The following CCDC93 variants were observed in gnomAD, a reference collection of about 807,000 sequenced individuals.
The protein encoded by CCDC93 is CCC complex scaffolding subunit CCDC93.
Under a neutral mutation model 108.2 loss-of-function variants are expected in CCDC93, and 61 were observed. The ratio of observed to expected loss-of-function variants is 0.56; its 90% CI spans 0.46 to 0.70. The LOEUF is 0.70. Ranked by LOEUF, CCDC93 falls within the 30% of genes least tolerant of loss-of-function variation. The pLI is 0.00. For synonymous variants in CCDC93, 276 were observed against 260.4 expected (o/e 1.06, Z -0.58); for missense variants, 685 against 764.2 (o/e 0.90, Z 1.22).
In CCDC93 at chr2:117,949,304, C is replaced by T. The variant is rs375571903; in HGVS notation, c.1142+18G>A. ...ACTTTCATCAAAGCAAAAATAAGCACATGCTGAAACCTCTTACCTTGGATC... is the reference window on the plus strand; with the variant it reads ...ACTTTCATCAAAGCAAAAATAAGCATATGCTGAAACCTCTTACCTTGGATC... On this transcript the variant is annotated intron_variant, in intron 14 of 23. Coordinates refer to ENST00000376300, the MANE Select transcript of CCDC93 (RefSeq NM_019044.5). 1.3e-6 allele frequency: 2 copies of T among 1,571,166 alleles called. No individual in the cohort carries two copies. Among genetic ancestry groups the T allele is most frequent in the Non-Finnish European group, 1.8e-6 (2 of 1,142,232 alleles).
At chr2:117,923,400 T>C (rs1677953376) in intron 23 of CCDC93, among the ~76,000 whole-genome samples, 2 of 152,064 alleles carry the variant, frequency 1.3e-5, no homozygotes, top group South Asian at 2.1e-4. Flanking sequence ...ACCTGGAAAA[T>C]TGGGTCACTC....
At chr2:117,970,801 T>C (rs1390311959) in intron 11 of CCDC93, among the ~76,000 whole-genome samples, 2 of 152,072 alleles carry the variant, frequency 1.3e-5, no homozygotes, top group African/African-American at 4.8e-5. Flanking sequence ...CAGTAACAAA[T>C]TAGACAAACA....
At chr2:117,921,026 A>AATT (rs10634820) in intron 23 of CCDC93, among the ~76,000 whole-genome samples, 141,938 of 151,500 alleles carry the variant, frequency 0.94, 66,639 homozygotes, top group East Asian at 1. Context: ...TAAAAATATA[A>AATT]ATTAGCCAGG....
intron 12 of CCDC93, 121 bp downstream of exon 12, chr2:117,958,244 C>T: frequency 1.5e-6 from 1 of 655,336 alleles, no homozygotes; most frequent in East Asian, 2.6e-5. Flanking sequence ...ACTTAATTTA[C>T]AAAAACAAGT....
rs568796814 is a variant in CCDC93, at chr2:117,961,108, C to T, written c.889-2627G>A. ...TAACCCACCCATGGGCTGGGACAGT[C>T]AATGGGGTGGGCTCACCAACTGGCC... On this transcript the variant is annotated intron_variant, in intron 11 of 23. Coordinates refer to ENST00000376300, the MANE Select transcript of CCDC93 (RefSeq NM_019044.5). Among the ~76,000 whole-genome samples, 69 of 151,676 alleles carry T rather than the reference C, an allele frequency of 4.5e-4. No individual in the cohort carries two copies. The Middle Eastern group carries it at 0.017, about 37-fold the overall frequency.
intron 1 of CCDC93, among the ~76,000 whole-genome samples, chr2:118,009,301 A>G (rs1676961090): frequency 6.6e-6 from 1 of 151,856 alleles, no homozygotes; most frequent in Admixed American, 6.6e-5. Context: ...AACCCAGGAG[A>G]CAGAAGTTGC....
At chr2:117,943,891 A>G (rs921505586) in intron 18 of CCDC93, 133 bp downstream of exon 18, 2 of 566,888 alleles carry the variant, frequency 3.5e-6, no homozygotes, top group Non-Finnish European at 3.0e-6. Flanking sequence ...CCAGATAGAA[A>G]GAAGACTGGG....
chr2:117,997,715 A>G (rs1207827341), intron 4 of CCDC93: 1 of 152,318 alleles, frequency 6.6e-6, no homozygotes, highest in Admixed American at 6.5e-5. Flanking sequence ...AAGCAGAGAC[A>G]GAAGATCAGA....
chr2:117,995,589 TTCTCA>T (rs1202700096), intron 5 of CCDC93, 87 bp from the exon 6 acceptor site: 12 of 1,018,838 alleles, frequency 1.2e-5, no homozygotes, highest in African/African-American at 1.1e-4. Context: ...ATAAATTGAC[TTCTCA>T]TCTCATCACT....
chr2:117,998,582 C>A (rs1327067069), intron 4 of CCDC93, among the ~76,000 whole-genome samples: 1 of 152,200 alleles, frequency 6.6e-6, no homozygotes, highest in East Asian at 1.9e-4. Flanking sequence ...ATTGTAACCA[C>A]TAGCCTGGGC....
At position 117,995,482 on chromosome 2, in the gene CCDC93, T is replaced by C. The variant is rs776484723; in HGVS notation, c.483A>G (p.Arg161=). 3.1e-6 allele frequency: 5 copies of C among 1,613,698 alleles called. No individual in the cohort carries two copies. Among genetic ancestry groups the C allele is most frequent in the Non-Finnish European group, 4.2e-6 (5 of 1,179,562 alleles). Residue 161 remains arginine (R), a synonymous_variant, in exon 6 of 24, where the codon AGA becomes AGG. Transcript: ENST00000376300. ...SLPEDDDFIK[R]KEKAIKTVVD... is the part of the protein sequence containing the mutation. The stretch of plus-strand genomic sequence containing the variant: ...CAACTGTCTTGATGGCCTTTTCTTT[T>C]CTCTTTATGAAGTCATCATCCTACA...
At chr2:117,989,764 T>C (rs888373435) in intron 6 of CCDC93, among the ~76,000 whole-genome samples, 6 of 152,224 alleles carry the variant, frequency 3.9e-5, no homozygotes, top group Non-Finnish European at 7.3e-5. Flanking sequence ...ACCTGACATA[T>C]AGTAAGGGCT....
chr2:117,952,174 T>G (rs1245532229), intron 13 of CCDC93, among the ~76,000 whole-genome samples, 199 bp downstream of exon 13: 1 of 150,932 alleles, frequency 6.6e-6, no homozygotes, highest in East Asian at 2.0e-4. Flanking sequence ...GGGACTAGAA[T>G]GTGCAGTGTG....
At chr2:118,007,056 A>G (rs926274309) in intron 2 of CCDC93, among the ~76,000 whole-genome samples, 7 of 152,250 alleles carry the variant, frequency 4.6e-5, no homozygotes, top group African/African-American at 1.4e-4. Context: ...GGACAAGTAC[A>G]GTAGCTACTA....
chr2:117,922,172 G>A (rs1391534822), intron 23 of CCDC93, among the ~76,000 whole-genome samples: 1 of 152,134 alleles, frequency 6.6e-6, no homozygotes, highest in Non-Finnish European at 1.5e-5. Context: ...GTTTAAATGA[G>A]GCAAAAACAG....
At chr2:117,973,400 C>T (rs1346069854) in intron 11 of CCDC93, among the ~76,000 whole-genome samples, 1 of 123,914 alleles carries the variant, frequency 8.1e-6, no homozygotes, top group Admixed American at 9.0e-5. Context: ...GTCTTCCTGC[C>T]TTTTCTTAGG....
At chr2:117,924,165 C>T (rs560021931) in intron 23 of CCDC93, among the ~76,000 whole-genome samples, 17 of 152,218 alleles carry the variant, frequency 1.1e-4, no homozygotes, top group African/African-American at 3.4e-4. Context: ...TAGATAAAAC[C>T]ACAAAGATGG....
intron 11 of CCDC93, among the ~76,000 whole-genome samples, chr2:117,959,793 TA>T (rs1490090847): frequency 5.3e-5 from 8 of 152,240 alleles, no homozygotes; most frequent in Non-Finnish European, 8.8e-5. Context: ...TGGGACTGTG[TA>T]AAATGTCAAC....
intron 23 of CCDC93, among the ~76,000 whole-genome samples, chr2:117,922,366 T>G (rs1677898819): frequency 6.6e-6 from 1 of 152,128 alleles, no homozygotes; most frequent in Admixed American, 6.5e-5. Context: ...AAAGGGAAAA[T>G]GTCTCATCAC....
Sources: gnomAD v4.1 joint callset for allele counts (sites outside exome capture counted in the v4.1 genomes callset) on GRCh38, gnomAD v4.1.1 for gene constraint, MANE v1.5 for transcripts, NCBI Gene and HGNC (gene_info 2026-07-23, HGNC 2026-07-21) for gene names.